Variants in ECE1 observed in about 807,000 individuals in gnomAD.
The protein encoded by ECE1 is endothelin-converting enzyme 1.
In ECE1, 35 loss-of-function variants were observed where a neutral mutation model predicts 98.6. That is an observed-to-expected ratio of 0.35 (90% CI 0.27 to 0.47). The LOEUF (loss-of-function observed/expected upper bound fraction) is 0.47. Ranked by LOEUF, ECE1 falls within the 20% of genes least tolerant of loss-of-function variation. The pLI, the probability that ECE1 is intolerant of heterozygous loss-of-function variation, is 1.00. For synonymous variants in ECE1, 394 were observed against 407.1 expected (o/e 0.97, Z 0.39); for missense variants, 814 against 1,025.3 (o/e 0.79, Z 2.81).
At position 21,258,601 on chromosome 1, in the gene ECE1, C is replaced by G. The variant is rs900649603; in HGVS notation, c.762+92G>C. 14 of 1,018,938 alleles carry G rather than the reference C, an allele frequency of 1.4e-5. No individual in the cohort carries two copies. Among genetic ancestry groups the G allele is most frequent in the East Asian group, 3.5e-5 (1 of 28,594 alleles). 63.1% of individuals were successfully genotyped at this position (1,018,938 alleles called of 1,614,324 possible). On this transcript the variant is annotated intron_variant, in intron 6 of 18. Transcript: ENST00000374893. This position sits in a 1 kb window ranked among gnomAD's most constrained non-coding sequence, Gnocchi z 4.2. ...TAGAAGACCGCCGTCCCACCCAGGG[C>G]AAGCCCCTCTCCCACCCCAGGTCCT...
upstream of ECE1, among the ~76,000 whole-genome samples, chr1:21,295,175 C>T (rs1214813061): frequency 1.3e-5 from 2 of 152,138 alleles, no homozygotes; most frequent in Non-Finnish European, 1.5e-5. Context: ...ACAATAGTAC[C>T]TCCCTCATAG....
intron 8 of ECE1, among the ~76,000 whole-genome samples, chr1:21,248,193 C>T (rs146971203): frequency 1.7e-4 from 25 of 149,866 alleles, no homozygotes; most frequent in African/African-American, 4.9e-4. Context: ...TTTTTTGAGA[C>T]GGAGTCTCAC....
chr1:21,221,791 G>A lies in ECE1; in HGVS notation c.2092C>T (p.Leu698=), dbSNP rs2098167761. 2 of 1,614,140 alleles carry A rather than the reference G, an allele frequency of 1.2e-6. No individual in the cohort carries two copies. Among genetic ancestry groups the A allele is most frequent in the Non-Finnish European group, 1.7e-6 (2 of 1,180,052 alleles). Residue 698 remains leucine (L), a synonymous_variant, in exon 18 of 19, where the codon CTG becomes TTG. Coordinates refer to ENST00000374893, the MANE Select transcript of ECE1 (RefSeq NM_001397.3). ...KNGAEHSLPT[L]GLTNNQLFFL... Reference sequence around the variant, plus strand: ...AAGAGCTGGTTATTGGTGAGGCCCAGGGTGGGGAGCGAGTGCTCAGCCCCG... The same window carrying A: ...AAGAGCTGGTTATTGGTGAGGCCCAAGGTGGGGAGCGAGTGCTCAGCCCCG...
intron 7 of ECE1, among the ~76,000 whole-genome samples, 162 bp downstream of exon 7, chr1:21,257,363 C>A (rs1486781807): frequency 6.6e-6 from 1 of 152,172 alleles, no homozygotes; most frequent in African/African-American, 2.4e-5. Flanking sequence ...CACAGCCAGC[C>A]TAGGGGTGTC....
chr1:21,269,152 G>A (rs1032043397), intron 4 of ECE1, among the ~76,000 whole-genome samples: 5 of 152,230 alleles, frequency 3.3e-5, no homozygotes, highest in African/African-American at 1.2e-4. Flanking sequence ...TCTCCCTGCT[G>A]AATCTGACAG....
intron 2 of ECE1, among the ~76,000 whole-genome samples, chr1:21,287,772 A>C: frequency 6.6e-6 from 1 of 152,230 alleles, no homozygotes; most frequent in East Asian, 1.9e-4. Flanking sequence ...GCTGAATGAA[A>C]AATGCGGGAT....
chr1:21,321,224 C>A (rs988412817), intron 1 of ECE1, among the ~76,000 whole-genome samples: 8 of 152,082 alleles, frequency 5.3e-5, no homozygotes, highest in African/African-American at 1.7e-4. Context: ...CCAGGCTGGC[C>A]CCTGCTCCTG....
intron 2 of ECE1, among the ~76,000 whole-genome samples, chr1:21,280,777 T>C (rs887322391): frequency 1.1e-4 from 16 of 151,912 alleles, no homozygotes; most frequent in Middle Eastern, 3.2e-3. Context: ...GGAAGGGTAC[T>C]GAGAAGCCAC....
At chr1:21,248,012 G>T (rs976211811) in intron 8 of ECE1, among the ~76,000 whole-genome samples, 1 of 152,212 alleles carries the variant, frequency 6.6e-6, no homozygotes, top group Non-Finnish European at 1.5e-5. Context: ...ACTTCTACAT[G>T]ATTGGTAAAT....
At chr1:21,302,855 T>A (rs548151833) in intron 1 of ECE1, among the ~76,000 whole-genome samples, 1 of 152,144 alleles carries the variant, frequency 6.6e-6, no homozygotes, top group East Asian at 1.9e-4. Flanking sequence ...TCCAGATGAA[T>A]CACCAGGGGG....
Position 21,225,368 on chromosome 1 carries a change from T to C in ECE1, c.1922A>G (p.Gln641Arg), listed in dbSNP as rs2098172760. ...KNSSVEAFKRQTECMVEQYSN... is the reference protein window; with the variant it reads ...KNSSVEAFKRRTECMVEQYSN... Reference sequence around the variant, plus strand: ...GTACTGCTCTACCATGCACTCGGTCTGACGCTTGAAGGCCTCCACGGATGA... The same window carrying C: ...GTACTGCTCTACCATGCACTCGGTCCGACGCTTGAAGGCCTCCACGGATGA... Residue 641 changes from glutamine (Q) to arginine (R), a missense_variant, in exon 17 of 19, where the codon CAG (glutamine) becomes CGG (arginine). By Grantham distance (43) the Gln-to-Arg change is conservative (BLOSUM62 1). Around this residue, in one of 3 missense-constraint regions of ECE1, gnomAD observed 452 missense variants for 567.3 expected, o/e 0.80. Transcript: ENST00000374893. This position sits in a 1 kb window ranked among gnomAD's most constrained non-coding sequence, Gnocchi z 5.3. 2 of 1,614,238 alleles carry C rather than the reference T, an allele frequency of 1.2e-6. No homozygotes were observed. Among genetic ancestry groups the C allele is most frequent in the Non-Finnish European group, 1.7e-6 (2 of 1,180,044 alleles).
At chr1:21,341,796 C>T (rs1340561650) in intron 1 of ECE1, among the ~76,000 whole-genome samples, 4 of 151,814 alleles carry the variant, frequency 2.6e-5, no homozygotes, top group Admixed American at 6.6e-5. Context: ...CAAACAGTAA[C>T]GCTTCTCCCT....
chr1:21,291,532 C>G (rs985372188), upstream of ECE1, among the ~76,000 whole-genome samples: 4 of 152,182 alleles, frequency 2.6e-5, no homozygotes, highest in Admixed American at 2.6e-4. Flanking sequence ...AAAATGAAAT[C>G]TGGCTGAGGC....
intron 1 of ECE1, among the ~76,000 whole-genome samples, chr1:21,342,291 A>G (rs1351872361): frequency 6.6e-6 from 1 of 152,038 alleles, no homozygotes; most frequent in African/African-American, 2.4e-5. Flanking sequence ...TACCCCTCCA[A>G]AAGTCCAGGA....
At chr1:21,275,316 C>T (rs1486514889) in intron 3 of ECE1, among the ~76,000 whole-genome samples, 2 of 152,026 alleles carry the variant, frequency 1.3e-5, no homozygotes, top group South Asian at 2.1e-4. Flanking sequence ...TCTCAGAGGC[C>T]GGGCTCGGTG....
At position 21,322,663 on chromosome 1, in the gene ECE1, C is replaced by T. The variant is rs988127842; in HGVS notation, c.3+22713G>A. 1.3e-5 allele frequency among the ~76,000 whole-genome samples: 2 copies of T among 152,144 alleles called. No homozygotes were observed. The highest frequency in any genetic ancestry group is 2.9e-5 in the Non-Finnish European group (2 of 68,034). The stretch of plus-strand genomic sequence containing the variant: ...AGGGGTTGGAAGTTGATCTAACCAC[C>T]TAGCTGGGGAAAAGGACAAGAAAAC... On this transcript the variant is annotated intron_variant, in intron 1 of 18. Transcript: ENST00000415912. This position sits in a 1 kb window ranked among gnomAD's most constrained non-coding sequence, Gnocchi z 4.1.
At chr1:21,296,451 T>C (rs1293589563) in intron 1 of ECE1, among the ~76,000 whole-genome samples, 1 of 152,092 alleles carries the variant, frequency 6.6e-6, no homozygotes, top group Admixed American at 6.6e-5. Flanking sequence ...AGGTTGAGGC[T>C]ACAGTGAGCT....
At chr1:21,275,551 C>T (rs1161978879) in intron 3 of ECE1, among the ~76,000 whole-genome samples, 5 of 152,094 alleles carry the variant, frequency 3.3e-5, no homozygotes, top group Non-Finnish European at 7.4e-5. Context: ...GCCAAGATCG[C>T]GCCACTGCAT....
Position 21,340,923 on chromosome 1 carries a change from C to A in ECE1, c.3+4453G>T, listed in dbSNP as rs1013394038. 9.4e-6 allele frequency among the ~76,000 whole-genome samples: 1 copy of A among 106,646 alleles called. No individual in the cohort carries two copies. Among genetic ancestry groups the A allele is most frequent in the African/African-American group, 5.3e-5 (1 of 19,004 alleles). The allele number at this position is 106,646 out of a possible 152,430, so 70.0% of individuals were successfully genotyped here. A position where few individuals can be genotyped will look rare whatever the true frequency, so the allele number is the denominator to read the frequency against. Reference sequence around the variant, plus strand: ...TTGAGCCCCAGGTCCTTCATATGACCATCCCTGAGTGCACCCTCCGGGCCA... The same window carrying A: ...TTGAGCCCCAGGTCCTTCATATGACAATCCCTGAGTGCACCCTCCGGGCCA... On this transcript the variant is annotated intron_variant, in intron 1 of 18. Transcript: ENST00000415912. The surrounding 1 kb of genome is among the most constrained non-coding windows in gnomAD (Gnocchi z 4.6).
Sources: gnomAD v4.1 joint callset for allele counts (sites outside exome capture counted in the v4.1 genomes callset) on GRCh38, gnomAD v4.1.1 for gene constraint, gnomAD v4.1.1 regional missense constraint, Gnocchi (gnomAD v3.1) non-coding constraint, MANE v1.5 for transcripts, NCBI Gene and HGNC (gene_info 2026-07-23, HGNC 2026-07-21) for gene names.